The following GABRG1 variants were observed in gnomAD, a reference collection of about 807,000 sequenced individuals.
GABRG1 encodes gamma-aminobutyric acid receptor subunit gamma-1.
GABRG1 carries 49 observed loss-of-function variants against 49.8 expected under a neutral mutation model. The ratio of observed to expected loss-of-function variants is 0.98; its 90% CI spans 0.78 to 1.25. The LOEUF (loss-of-function observed/expected upper bound fraction) is 1.25. Ranked by LOEUF, GABRG1 falls within the 50% of genes most tolerant of loss-of-function variation. The pLI is 0.00. For synonymous variants in GABRG1, 232 were observed against 185.1 expected, an observed-to-expected ratio of 1.25 and a Z score of -2.06; for missense variants, 552 against 552.3, an observed-to-expected ratio of 1.00 and a Z score of 0.01.
chr4:46,096,774 A>G (rs1481525676), intron 2 of GABRG1, among the ~76,000 whole-genome samples: 2 of 151,688 alleles, frequency 1.3e-5, no homozygotes, highest in African/African-American at 2.4e-5. Flanking sequence ...GATATCAGGA[A>G]CAATTTGAGA....
At chr4:46,048,140 C>T (rs537930164) in intron 8 of GABRG1, among the ~76,000 whole-genome samples, 46 of 152,084 alleles carry the variant, frequency 3.0e-4, no homozygotes, top group Non-Finnish European at 4.9e-4. Flanking sequence ...TAGTGCCTTT[C>T]GGTTTATTAC....
At chr4:46,052,375 T>C (rs1241704482) in intron 7 of GABRG1, among the ~76,000 whole-genome samples, 2 of 151,956 alleles carry the variant, frequency 1.3e-5, no homozygotes, top group Non-Finnish European at 2.9e-5. Context: ...TGTTATATAA[T>C]AACCTGAGTT....
intron 8 of GABRG1, among the ~76,000 whole-genome samples, chr4:46,046,961 A>G (rs1160858752): frequency 2.6e-5 from 4 of 152,152 alleles, no homozygotes; most frequent in South Asian, 2.1e-4. Context: ...CAACCTGGCC[A>G]TAAACCACTC....
intron 3 of GABRG1, among the ~76,000 whole-genome samples, chr4:46,072,345 T>G (rs374413266): frequency 6.6e-4 from 100 of 152,168 alleles, no homozygotes; most frequent in African/African-American, 2.3e-3. Context: ...GATACATAAC[T>G]GTATTTGGGC....
intron 8 of GABRG1, among the ~76,000 whole-genome samples, chr4:46,043,271 G>A (rs965824638): frequency 2.0e-5 from 3 of 151,618 alleles, no homozygotes; most frequent in Non-Finnish European, 2.9e-5. Context: ...AAACTGCAAG[G>A]GGTTTATTTA....
intron 1 of GABRG1, among the ~76,000 whole-genome samples, chr4:46,111,561 C>A (rs995077286): frequency 5.3e-5 from 8 of 151,208 alleles, no homozygotes; most frequent in Non-Finnish European, 8.9e-5. Context: ...AAGAACAAAG[C>A]CAGAATCATC....
Position 46,123,928 on chromosome 4 carries a change from T to A in GABRG1, c.-15A>T, listed in dbSNP as rs775451076. 1.3e-6 allele frequency: 2 copies of A among 1,591,716 alleles called. No homozygotes were observed. Among genetic ancestry groups the A allele is most frequent in the South Asian group, 1.1e-5 (1 of 90,566 alleles). ...AAAGGACCCATCGGAATCGCTTTTT[T>A]ACGTGTGCTGCACTAGCTCAATTCT... is the stretch of plus-strand genomic sequence containing the variant. On this transcript the variant is annotated 5_prime_UTR_variant, in exon 1 of 9. Transcript: ENST00000295452.
At position 46,097,250 on chromosome 4, in the gene GABRG1, C is replaced by T. The variant is rs1176497827; in HGVS notation, c.204G>A (p.Leu68=). 1 of 1,610,758 alleles carries T rather than the reference C, an allele frequency of 6.2e-7. No individual in the cohort carries two copies. Among genetic ancestry groups the T allele is most frequent in the Non-Finnish European group, 8.5e-7 (1 of 1,178,008 alleles). Residue 68 remains leucine (L), a synonymous_variant, in exon 2 of 9, where the codon CTG becomes CTA. Transcript: ENST00000295452. The part of the protein sequence containing the change: ...KIHEGDITQI[L]NSLLQGYDNK... The stretch of plus-strand genomic sequence containing the variant: ...TGTCATAGCCTTGAAGCAATGAATT[C>T]AGAATTTGTGTGATATCTCCTTCAT...
At chr4:46,113,445 T>C (rs11945199) in intron 1 of GABRG1, among the ~76,000 whole-genome samples, 1 of 150,790 alleles carries the variant, frequency 6.6e-6, no homozygotes, top group Non-Finnish European at 1.5e-5. Context: ...TCAATTACAT[T>C]CACCTGGTCT....
Position 46,036,168 on chromosome 4 carries a change from A to G in GABRG1, c.*4820T>C, listed in dbSNP as rs1248398932. On this transcript the variant is annotated 3_prime_UTR_variant, in exon 9 of 9. Coordinates refer to ENST00000295452, the MANE Select transcript of GABRG1 (RefSeq NM_173536.4). ...ATTGTCCAACAATAACAATTCTTTT[A>G]TTTATTCTGACATAAATATTTCAGA... 6.6e-6 allele frequency: 1 copy of G among 151,864 alleles called. No homozygotes were observed. The highest frequency in any genetic ancestry group is 2.4e-5 in the African/African-American group (1 of 41,418). 9.4% of individuals were successfully genotyped at this position (151,864 alleles called of 1,614,324 possible).
intron 1 of GABRG1, among the ~76,000 whole-genome samples, chr4:46,099,686 T>C (rs1720309608): frequency 6.6e-6 from 1 of 151,706 alleles, no homozygotes; most frequent in South Asian, 2.1e-4. Flanking sequence ...CCAAAACAAT[T>C]CTGGCCCCCT....
At chr4:46,079,486 T>C (rs976698934) in intron 3 of GABRG1, among the ~76,000 whole-genome samples, 1 of 151,950 alleles carries the variant, frequency 6.6e-6, no homozygotes, top group Non-Finnish European at 1.5e-5. Context: ...ATATTTAAAT[T>C]AAGTTCTGCA....
chr4:46,065,638 T>C (rs528592640), intron 3 of GABRG1, 54 bp from the exon 4 acceptor site: 3 of 849,882 alleles, frequency 3.5e-6, no homozygotes, highest in South Asian at 3.4e-5. Flanking sequence ...TTTAGTTGTT[T>C]TTCTCGAAAG....
intron 1 of GABRG1, among the ~76,000 whole-genome samples, chr4:46,099,967 T>C (rs772681870): frequency 6.7e-4 from 102 of 151,854 alleles, no homozygotes; most frequent in Non-Finnish European, 1.3e-3. Context: ...GATACGTTTA[T>C]ATATGAGTAA....
intron 7 of GABRG1, among the ~76,000 whole-genome samples, chr4:46,053,330 A>G (rs1419543851): frequency 6.6e-6 from 1 of 151,912 alleles, no homozygotes; most frequent in East Asian, 1.9e-4. Flanking sequence ...GTAGTGTCCT[A>G]TAAATATCAA....
At chr4:46,056,507 C>T (rs974845017) in intron 7 of GABRG1, among the ~76,000 whole-genome samples, 1 of 152,148 alleles carries the variant, frequency 6.6e-6, no homozygotes, top group East Asian at 1.9e-4. Context: ...AATATCATAC[C>T]ACTCACACCC....
At chr4:46,104,112 G>A (rs1720462867) in intron 1 of GABRG1, among the ~76,000 whole-genome samples, 1 of 151,282 alleles carries the variant, frequency 6.6e-6, no homozygotes, top group Non-Finnish European at 1.5e-5. Flanking sequence ...AAGCTACTTA[G>A]TGCCAAAAAT....
At chr4:46,072,876 T>C (rs1185530413) in intron 3 of GABRG1, among the ~76,000 whole-genome samples, 3 of 152,066 alleles carry the variant, frequency 2.0e-5, no homozygotes, top group Non-Finnish European at 4.4e-5. Flanking sequence ...TTACTTTGCC[T>C]CTGCTGAGAT....
intron 3 of GABRG1, 74 bp downstream of exon 3, chr4:46,083,912 C>T (rs1719662315): frequency 2.5e-6 from 2 of 797,858 alleles, no homozygotes; most frequent in African/African-American, 1.8e-5. Context: ...AAATTACTCA[C>T]ATGCGAATTC....
Sources: allele counts gnomAD v4.1 joint callset (sites outside exome capture counted in the v4.1 genomes callset), GRCh38; gene constraint gnomAD v4.1.1; transcripts MANE v1.5; gene names NCBI Gene and HGNC (gene_info 2026-07-23, HGNC 2026-07-21).